Variants in SLC39A14 observed in about 807,000 individuals in gnomAD.
SLC39A14 encodes the protein metal cation symporter ZIP14.
SLC39A14 carries 19 observed loss-of-function variants against 45.5 expected under a neutral mutation model. That is an observed-to-expected ratio of 0.42 (90% confidence interval 0.29 to 0.61). The LOEUF is 0.61. SLC39A14 is among the 20% of genes least tolerant of loss of function. The pLI, the probability that SLC39A14 is intolerant of heterozygous loss-of-function variation, is 0.22. For missense variants in SLC39A14, 447 were observed against 616.5 expected (o/e 0.73, Z 2.91); for synonymous variants, 264 against 251.3 (o/e 1.05, Z -0.48).
chr8:22,423,910 A>G (rs1374159788), downstream of SLC39A14, among the ~76,000 whole-genome samples: 1 of 152,030 alleles, frequency 6.6e-6, no homozygotes, highest in Non-Finnish European at 1.5e-5. Context: ...GGCTCAAGCA[A>G]TCTTCCTGCC....
At chr8:22,392,017 G>C (rs1834103824) in intron 1 of SLC39A14, among the ~76,000 whole-genome samples, 1 of 152,240 alleles carries the variant, frequency 6.6e-6, no homozygotes, top group Admixed American at 6.5e-5. Context: ...GGACATAGAA[G>C]AAATAGGAGG....
chr8:22,432,455 T>C lies in SLC39A14; in HGVS notation c.1333-1436T>C, dbSNP rs141439291. On this transcript the variant is annotated intron_variant, in intron 8 of 8. Transcript: ENST00000240095. ...TTCTCTCTCTCTTCTCCCTCCTTCC[T>C]TTTTCTCTCTCTCTCTCTCTTTTTC... Among the ~76,000 whole-genome samples, 978 of 151,734 alleles carry C rather than the reference T, an allele frequency of 6.4e-3. 30 individuals carry two copies. The highest frequency in any genetic ancestry group is 0.047 in the Admixed American group (709 of 15,200).
At chr8:22,375,311 A>G (rs377180890) in intron 1 of SLC39A14, among the ~76,000 whole-genome samples, 78 of 149,914 alleles carry the variant, frequency 5.2e-4, no homozygotes, top group African/African-American at 1.8e-3. Flanking sequence ...CATATTGTAA[A>G]GTGCAAAAAA....
chr8:22,433,470 C>T (rs754269676), intron 8 of SLC39A14, among the ~76,000 whole-genome samples: 2 of 151,854 alleles, frequency 1.3e-5, no homozygotes, highest in African/African-American at 2.4e-5. Flanking sequence ...GATCCTCCTG[C>T]CTCAGCCTCC....
intron 1 of SLC39A14, among the ~76,000 whole-genome samples, chr8:22,391,015 T>C (rs1311610576): frequency 6.6e-6 from 1 of 152,180 alleles, no homozygotes; most frequent in Non-Finnish European, 1.5e-5. Flanking sequence ...GCCATAGCTA[T>C]CTGGTGGGAG....
intron 1 of SLC39A14, among the ~76,000 whole-genome samples, chr8:22,378,288 A>G (rs1336069023): frequency 6.6e-6 from 1 of 152,160 alleles, no homozygotes; most frequent in Non-Finnish European, 1.5e-5. Context: ...GCTTGAAACA[A>G]CACCCGTTTA....
At chr8:22,381,953 C>T (rs764413897) in intron 1 of SLC39A14, among the ~76,000 whole-genome samples, 8 of 152,044 alleles carry the variant, frequency 5.3e-5, no homozygotes, top group Middle Eastern at 3.2e-3. Flanking sequence ...CCAGCCTGGC[C>T]GACATGGTGA....
chr8:22,388,551 G>C (rs1833904774), intron 1 of SLC39A14, among the ~76,000 whole-genome samples: 1 of 152,062 alleles, frequency 6.6e-6, no homozygotes, highest in African/African-American at 2.4e-5. Context: ...TGCTTTGGGT[G>C]GGGAGGGGCG....
chr8:22,377,005 C>A (rs770473837), intron 1 of SLC39A14, among the ~76,000 whole-genome samples: 41 of 152,322 alleles, frequency 2.7e-4, no homozygotes, highest in South Asian at 2.1e-4. Context: ...AATTTTAGCA[C>A]CCATCTGTAG....
chr8:22,390,651 G>A (rs60181491), intron 1 of SLC39A14: 4,619 of 172,158 alleles, frequency 0.027, 218 homozygotes, highest in African/African-American at 0.1. Flanking sequence ...CTTTGTGTTC[G>A]TCATTTGGTC....
downstream of SLC39A14, among the ~76,000 whole-genome samples, chr8:22,423,785 T>C (rs1436481605): frequency 1.4e-5 from 2 of 141,408 alleles, no homozygotes; most frequent in African/African-American, 3.1e-5. Context: ...CTTTAATTGG[T>C]TTCTCTCTCT....
At chr8:22,391,565 C>G (rs547434764) in intron 1 of SLC39A14, among the ~76,000 whole-genome samples, 1 of 151,704 alleles carries the variant, frequency 6.6e-6, no homozygotes, top group African/African-American at 2.4e-5. Context: ...TCTGAGCTCC[C>G]TGTTCTTTTT....
downstream of SLC39A14, among the ~76,000 whole-genome samples, chr8:22,425,221 G>A (rs1836364316): frequency 6.6e-6 from 1 of 152,078 alleles, no homozygotes; most frequent in South Asian, 2.1e-4. Context: ...TGTGGCCCAC[G>A]TGGAACAGAG....
Position 22,408,706 on chromosome 8 carries a change from G to A in SLC39A14, c.457+210G>A, listed in dbSNP as rs140464999. On this transcript the variant is annotated intron_variant, in intron 3 of 8. Coordinates refer to ENST00000381237, the MANE Select transcript of SLC39A14 (RefSeq NM_001128431.4). The stretch of plus-strand genomic sequence containing the variant: ...TAGCACATTGTCAGACTCCTGGGCC[G>A]TAGCTGGCGAATGTTCAGAGCGTTG... Among the ~76,000 whole-genome samples, 196 of 152,290 alleles carry A rather than the reference G, an allele frequency of 1.3e-3. 1 individual carries two copies. Among genetic ancestry groups the A allele is most frequent in the Admixed American group, 2.5e-3 (38 of 15,290 alleles).
rs1453925886 is a variant in SLC39A14, at chr8:22,420,388, C to G, written c.*690C>G. ...GATTTTGTAACAGCACCTGGTGTTTCACGGCTGTCCGAGTGAGCTAACGTG... is the reference window on the plus strand; with the variant it reads ...GATTTTGTAACAGCACCTGGTGTTTGACGGCTGTCCGAGTGAGCTAACGTG... On this transcript the variant is annotated 3_prime_UTR_variant, in exon 9 of 9. Transcript: ENST00000381237. 2.0e-6 allele frequency: 2 copies of G among 985,342 alleles called. No individual in the cohort carries two copies. The highest frequency in any genetic ancestry group is 3.5e-5 in the African/African-American group (2 of 57,212). The allele number at this position is 985,342 out of a possible 1,614,324, so 61.0% of individuals were successfully genotyped here.
At chr8:22,422,768 CAA>C, downstream of SLC39A14, 10 of 959,018 alleles carry the variant, frequency 1.0e-5, no homozygotes, top group Non-Finnish European at 1.2e-5. Flanking sequence ...CACTGACGTA[CAA>C]AGTTTTGTTT....
intron 7 of SLC39A14, 32 bp downstream of exon 7, chr8:22,416,312 C>T (rs1423897301): frequency 4.4e-6 from 7 of 1,595,100 alleles, no homozygotes; most frequent in Non-Finnish European, 6.0e-6. Flanking sequence ...CACTGGTGCT[C>T]CCTTGGGTGG....
intron 1 of SLC39A14, among the ~76,000 whole-genome samples, chr8:22,385,816 G>A (rs993002958): frequency 1.6e-4 from 24 of 152,198 alleles, no homozygotes; most frequent in African/African-American, 5.8e-4. Flanking sequence ...GGGCAATGTA[G>A]CAAGACCCCC....
chr8:22,378,468 GC>G (rs950641250), intron 1 of SLC39A14, among the ~76,000 whole-genome samples: 1 of 152,058 alleles, frequency 6.6e-6, no homozygotes, highest in African/African-American at 2.4e-5. Flanking sequence ...GAGGTCCCCT[GC>G]CCCCTCACCC....
Sources: allele counts gnomAD v4.1 joint callset (sites outside exome capture counted in the v4.1 genomes callset), GRCh38; gene constraint gnomAD v4.1.1; transcripts MANE v1.5; gene names NCBI Gene and HGNC (gene_info 2026-07-23, HGNC 2026-07-21).